The following GHRH variants were observed in gnomAD, a reference collection of about 807,000 sequenced individuals.
GHRH encodes somatoliberin.
A neutral mutation model predicts 15.6 loss-of-function variants in GHRH; 7 were observed. The observed-to-expected ratio is 0.45, with a 90% CI of 0.26 to 0.84. The LOEUF is 0.84. GHRH is among the 40% of genes least tolerant of loss of function. GHRH has a pLI of 0.18. For missense variants in GHRH, 117 were observed against 138.0 expected, an observed-to-expected ratio of 0.85 and a Z score of 0.76; for synonymous variants, 54 against 50.4, an observed-to-expected ratio of 1.07 and a Z score of -0.30.
intron 4 of GHRH, among the ~76,000 whole-genome samples, chr20:37,252,542 G>A (rs1377241513): frequency 6.6e-6 from 1 of 152,196 alleles, no homozygotes; most frequent in Admixed American, 6.5e-5. Context: ...CATGGCAGGT[G>A]GATCACCTGA....
chr20:37,261,523 C>T (rs183910785), intron 1 of GHRH, among the ~76,000 whole-genome samples: 7 of 152,310 alleles, frequency 4.6e-5, no homozygotes, highest in African/African-American at 1.2e-4. Context: ...GTCCGCCACG[C>T]GCCCAAGTTA....
Position 37,256,923 on chromosome 20 carries a change from G to T in GHRH, c.-19-15C>A, listed in dbSNP as rs780058414. 5 of 1,500,708 alleles carry T rather than the reference G, an allele frequency of 3.3e-6. No homozygotes were observed. The highest frequency in any genetic ancestry group is 1.8e-5 in the Admixed American group (1 of 54,944). 93.0% of individuals were successfully genotyped at this position (1,500,708 alleles called of 1,614,324 possible). ...CGGGGTGGCACCTGCAGAGTGACAG[G>T]AGGGGAAGGTCAGGTACAGCCACAG... On this transcript the variant is annotated splice_polypyrimidine_tract_variant and intron_variant, in intron 1 of 4. Transcript: ENST00000373614.
intron 1 of GHRH, among the ~76,000 whole-genome samples, chr20:37,257,799 G>A (rs183384029): frequency 2.6e-5 from 4 of 152,268 alleles, no homozygotes; most frequent in Admixed American, 2.0e-4. Context: ...CTCCTACTTC[G>A]GCTCCTGGAA....
At position 37,254,281 on chromosome 20, in the gene GHRH, T is replaced by A; in HGVS notation, c.237A>T (p.Val79=). Residue 79 remains valine, a synonymous_variant, in exon 4 of 5, where the codon GTA becomes GTT. Coordinates refer to ENST00000373614, the MANE Select transcript of GHRH (RefSeq NM_021081.6). ...GCTTTTGTTCTGCCCACATGCTGTC[T>A]ACCTGACGACCAAGCCGTGCCCTTG... The part of the protein sequence containing the change: ...RGARARLGRQ[V]DSMWAEQKQM... 1.2e-6 allele frequency: 2 copies of A among 1,614,136 alleles called. No individual in the cohort carries two copies. Among genetic ancestry groups the A allele is most frequent in the Non-Finnish European group, 1.7e-6 (2 of 1,179,948 alleles).
intron 4 of GHRH, among the ~76,000 whole-genome samples, chr20:37,253,055 C>G (rs2068631388): frequency 6.6e-6 from 1 of 152,182 alleles, no homozygotes; most frequent in Admixed American, 6.5e-5. Flanking sequence ...AAATCAGGCT[C>G]TAAACCCCAG....
chr20:37,258,229 C>T lies in GHRH; in HGVS notation c.-19-1321G>A, dbSNP rs1447237009. 1.3e-5 allele frequency among the ~76,000 whole-genome samples: 2 copies of T among 152,210 alleles called. No individual in the cohort carries two copies. The highest frequency in any genetic ancestry group is 2.9e-5 in the Non-Finnish European group (2 of 68,020). Reference sequence around the variant, plus strand: ...CTTGGCCACCTAGGAATTGGGTCCTCCCATCTCCCATGGGTTTCTCCCTCT... The same window carrying T: ...CTTGGCCACCTAGGAATTGGGTCCTTCCATCTCCCATGGGTTTCTCCCTCT... On this transcript the variant is annotated intron_variant, in intron 1 of 4. Transcript: ENST00000373614. This position sits in a 1 kb window ranked among gnomAD's most constrained non-coding sequence, Gnocchi z 4.1.
In GHRH at chr20:37,256,992, A is replaced by T. The variant is rs905864745; in HGVS notation, c.-19-84T>A. On this transcript the variant is annotated intron_variant, in intron 1 of 4. Transcript: ENST00000373614. ...CTGGCCCAGCCCTGGGCTTGGCTCC[A>T]TGGCAAGCCTTGGTCCTTGGTTTTT... is the stretch of plus-strand genomic sequence containing the variant. The T allele has an allele frequency of 8.5e-6, 7 of 823,304 alleles. No individual in the cohort carries two copies. The African/African-American group carries it at 1.2e-4, about 14-fold the overall frequency. 51.0% of individuals were successfully genotyped at this position (823,304 alleles called of 1,614,324 possible).
At chr20:37,251,271 G>A (rs781466454) in intron 4 of GHRH, 40 bp from the exon 5 acceptor site, 2 of 1,582,820 alleles carry the variant, frequency 1.3e-6, no homozygotes, top group Non-Finnish European at 8.6e-7. Context: ...GGGAATTGAA[G>A]TAAGGGTGGC....
Position 37,256,883 on chromosome 20 carries a change from G to GT in GHRH, c.6dup (p.Leu3ThrfsTer126). On this transcript the variant is annotated frameshift_variant, in exon 2 of 5. Coordinates refer to ENST00000373614, the MANE Select transcript of GHRH (RefSeq NM_021081.6). LOFTEE classifies it high-confidence loss of function. ...AGGATCACAAAGAAGAACACCCAGA[G>GT]TGGCATCCTTCACCCGGGGTGGCAC... The GT allele has an allele frequency of 6.2e-7, 1 of 1,610,352 alleles. No individual in the cohort carries two copies. The highest frequency in any genetic ancestry group is 8.5e-7 in the Non-Finnish European group (1 of 1,178,574).
At chr20:37,256,940 C>T (rs1160656762) in intron 1 of GHRH, 32 bp from the exon 2 acceptor site, 3 of 1,325,206 alleles carry the variant, frequency 2.3e-6, no homozygotes, top group Non-Finnish European at 3.2e-6. Flanking sequence ...AGGTCAGGTA[C>T]AGCCACAGCC....
rs754949003 is a variant in GHRH, at chr20:37,256,931, G to A, written c.-19-23C>T. 7.7e-6 allele frequency: 11 copies of A among 1,432,914 alleles called. 1 individual carries two copies. The highest frequency in any genetic ancestry group is 8.8e-6 in the Non-Finnish European group (9 of 1,028,296). 88.8% of individuals were successfully genotyped at this position (1,432,914 alleles called of 1,614,324 possible). A position where few individuals can be genotyped will look rare whatever the true frequency, so the allele number is the denominator to read the frequency against. On this transcript the variant is annotated intron_variant, in intron 1 of 4. Transcript: ENST00000373614. ...CACCTGCAGAGTGACAGGAGGGGAA[G>A]GTCAGGTACAGCCACAGCCATTGGG...
Position 37,254,307 on chromosome 20 carries a change from C to A in GHRH, c.211G>T (p.Ala71Ser). ...QQGESNQERG[A>S]RARLGRQVDS... ...ACCTGACGACCAAGCCGTGCCCTTGCTCCTCGCTCTTGGTTGCTCTCTCTG... is the reference window on the plus strand; with the variant it reads ...ACCTGACGACCAAGCCGTGCCCTTGATCCTCGCTCTTGGTTGCTCTCTCTG... The change falls in exon 4 of 5, where the codon GCA becomes TCA. Residue 71 changes from alanine to serine, a missense_variant. By Grantham distance (99) the Ala-to-Ser change is moderately conservative (BLOSUM62 1). Transcript: ENST00000373614. The A allele has an allele frequency of 6.2e-7, 1 of 1,614,144 alleles. No individual in the cohort carries two copies. Among genetic ancestry groups the A allele is most frequent in the Non-Finnish European group, 8.5e-7 (1 of 1,179,978 alleles).
At chr20:37,256,363 G>T in intron 3 of GHRH, 31 bp downstream of exon 3, 2 of 1,420,972 alleles carry the variant, frequency 1.4e-6, no homozygotes, top group Non-Finnish European at 2.0e-6. Context: ...GCTGCAGGGT[G>T]TGGGAAGAAA....
At chr20:37,254,870 A>G (rs926100360) in intron 3 of GHRH, among the ~76,000 whole-genome samples, 5 of 152,218 alleles carry the variant, frequency 3.3e-5, no homozygotes, top group Non-Finnish European at 7.3e-5. Context: ...ATTAAAAGAA[A>G]CTGAAGGGAC....
At chr20:37,259,219 T>A (rs1158205576) in intron 1 of GHRH, among the ~76,000 whole-genome samples, 1 of 152,190 alleles carries the variant, frequency 6.6e-6, no homozygotes, top group Non-Finnish European at 1.5e-5. Flanking sequence ...CTGGAGCCTC[T>A]GCACCTACAG....
chr20:37,260,661 T>C lies in GHRH; in HGVS notation c.-20+1082A>G, dbSNP rs148774562. Among the ~76,000 whole-genome samples the C allele has an allele frequency of 4.6e-5, 7 of 152,296 alleles. No individual in the cohort carries two copies. The East Asian group carries it at 1.2e-3, about 25-fold the overall frequency. ...AGGAGTCAAAATTCACTGAATGAAG[T>C]GTAGCCGAGCCCAACAGCATTGCTG... On this transcript the variant is annotated intron_variant, in intron 1 of 4. Coordinates refer to ENST00000373614, the MANE Select transcript of GHRH (RefSeq NM_021081.6).
At position 37,251,130 on chromosome 20, in the gene GHRH, G is replaced by A; in HGVS notation, c.*83C>T. On this transcript the variant is annotated 3_prime_UTR_variant, in exon 5 of 5. Transcript: ENST00000373614. ...GGGGGAATTTTATTGTATTTTCAAA[G>A]GAAAAAGTGGGTCAGAAATGAGAGG... The A allele has an allele frequency of 2.1e-6, 2 of 933,862 alleles. No homozygotes were observed. Among genetic ancestry groups the A allele is most frequent in the Non-Finnish European group, 3.2e-6 (2 of 615,956 alleles). The allele number at this position is 933,862 out of a possible 1,614,324, so 57.8% of individuals were successfully genotyped here.
At chr20:37,256,218 A>G (rs2068654949) in intron 3 of GHRH, among the ~76,000 whole-genome samples, 176 bp downstream of exon 3, 1 of 152,188 alleles carries the variant, frequency 6.6e-6, no homozygotes, top group Non-Finnish European at 1.5e-5. Context: ...GACACGTGGT[A>G]GGCATGGAGG....
chr20:37,251,755 C>G (rs376955669), intron 4 of GHRH, among the ~76,000 whole-genome samples: 1 of 152,142 alleles, frequency 6.6e-6, no homozygotes, highest in African/African-American at 2.4e-5. Flanking sequence ...AGTTTCCTTA[C>G]AGGGCTGTTA....
Sources: gnomAD v4.1 joint callset for allele counts (sites outside exome capture counted in the v4.1 genomes callset) on GRCh38, gnomAD v4.1.1 for gene constraint, Gnocchi (gnomAD v3.1) non-coding constraint, MANE v1.5 for transcripts, NCBI Gene and HGNC (gene_info 2026-07-23, HGNC 2026-07-21) for gene names.